TASOR2: variants seen among roughly 807,000 people sequenced by gnomAD.
TASOR2 encodes transcription activation suppressor family member 2, also known as protein TASOR 2.
TASOR2 carries 84 observed loss-of-function variants against 199.5 expected under a neutral mutation model. That is an observed-to-expected ratio of 0.42 (90% CI 0.35 to 0.50). The LOEUF (loss-of-function observed/expected upper bound fraction) is 0.50, where lower values mean the gene tolerates loss of function less well. TASOR2 is among the 20% of genes least tolerant of loss of function. The probability of loss-of-function intolerance (pLI) is 0.02; values close to 1 mark genes in which losing one functional copy is unlikely to be tolerated. For synonymous variants in TASOR2, 1,103 were observed against 1,046.6 expected (o/e 1.05, Z -1.04); for missense variants, 2,796 against 2,835.9 (o/e 0.99, Z 0.32).
At chr10:5,746,339 C>T (rs1224226808) in exon 15 of TASOR2, 1 of 1,614,012 alleles carries the variant, frequency 6.2e-7, no homozygotes, top group Admixed American at 1.7e-5. Flanking sequence ...GGCACTGTTA[C>T]TCAAGCCACA....
intron 1 of TASOR2, among the ~76,000 whole-genome samples, chr10:5,711,028 T>C (rs1452233127): frequency 2.0e-5 from 3 of 152,088 alleles, no homozygotes; most frequent in Non-Finnish European, 4.4e-5. Flanking sequence ...TCCCTATTTT[T>C]TAAAGCACTG....
rs61729850 is a variant in TASOR2, at chr10:5,720,913, G to T, written c.89G>T (p.Arg30Leu). 2.5e-4 allele frequency: 405 copies of T among 1,613,132 alleles called. No individual in the cohort carries two copies. In the African/African-American group the frequency reaches 4.0e-3, roughly 16 times the overall value. ...AAAGGGAAATTAATTGTTCAAGACC[G>T]TATGCTATGTGATATAGCTCTTTGG... The change falls in exon 6 of 21, where the codon CGT becomes CTT. Residue 30 changes from arginine (R) to leucine (L), a missense_variant. Coordinates refer to ENST00000328090, the Ensembl canonical transcript of TASOR2. The surrounding 1 kb of genome is among the most constrained non-coding windows in gnomAD (Gnocchi z 5.3).
rs1048628483 is a variant in TASOR2 at position 5,712,576 on chromosome 10, T to C, written c.-287-247T>C. On this transcript the variant is annotated intron_variant, in intron 1 of 20. Transcript: ENST00000328090. ...GGTACACACTATGATGGTTTTGTTT[T>C]AGTTTTAAAAGAGGTAAACCCATCA... 6 of 1,230,568 alleles carry C rather than the reference T, an allele frequency of 4.9e-6. No homozygotes were observed. The African/African-American group carries it at 7.8e-5, about 16-fold the overall frequency. 76.2% of individuals were successfully genotyped at this position (1,230,568 alleles called of 1,614,324 possible).
chr10:5,723,552 C>T (rs1247049068), intron 6 of TASOR2, 125 bp from the exon 8 acceptor site: 1 of 501,982 alleles, frequency 2.0e-6, no homozygotes, highest in African/African-American at 2.0e-5. Flanking sequence ...TAACCTGGAG[C>T]TTATCAACTT....
At position 5,720,324 on chromosome 10, in the gene TASOR2, A is replaced by G. The variant is rs1228969161; in HGVS notation, c.-99-220A>G. 45 of 985,264 alleles carry G rather than the reference A, an allele frequency of 4.6e-5. No homozygotes were observed. Among genetic ancestry groups the G allele is most frequent in the Non-Finnish European group, 5.3e-5 (44 of 829,890 alleles). 61.0% of individuals were successfully genotyped at this position (985,264 alleles called of 1,614,324 possible). A position where few individuals can be genotyped will look rare whatever the true frequency, so the allele number is the denominator to read the frequency against. On this transcript the variant is annotated intron_variant, in intron 3 of 20. Coordinates refer to ENST00000328090, the Ensembl canonical transcript of TASOR2. The surrounding 1 kb of genome is among the most constrained non-coding windows in gnomAD (Gnocchi z 5.3). ...TATACTAAGCCATCTTCTGGCTATG[A>G]TTGCCACGTGTCTGAAAATACTAAC...
intron 2 of TASOR2, among the ~76,000 whole-genome samples, chr10:5,715,231 TTTA>T (rs1564283064): frequency 3.7e-5 from 3 of 81,934 alleles, no homozygotes; most frequent in Non-Finnish European, 7.1e-5. Flanking sequence ...CTTTTTTTTT[TTTA>T]AAAAAAAACT....
rs192011124 is a variant in TASOR2 at position 5,725,175 on chromosome 10, G to C, written c.351+642G>C. The stretch of plus-strand genomic sequence containing the variant: ...AGCACTTTGGGAGACCAAGGCGGGC[G>C]GATCACGAGGTCAGGAGATCGAGAC... On this transcript the variant is annotated intron_variant, in intron 8 of 20. Transcript: ENST00000328090. Among the ~76,000 whole-genome samples, 1,037 of 152,040 alleles carry C rather than the reference G, an allele frequency of 6.8e-3. 18 individuals carry two copies. Among genetic ancestry groups the C allele is most frequent in the African/African-American group, 0.024 (990 of 41,468 alleles).
intron 1 of TASOR2, among the ~76,000 whole-genome samples, chr10:5,693,930 A>G (rs1836807719): frequency 6.6e-6 from 1 of 152,170 alleles, no homozygotes; most frequent in Admixed American, 6.5e-5. Flanking sequence ...TGGGGAAAAT[A>G]GACCTCTCCC....
chr10:5,684,885 C>T lies in TASOR2; in HGVS notation c.-578C>T, dbSNP rs1588537534. 3 of 392,264 alleles carry T rather than the reference C, an allele frequency of 7.6e-6. No individual in the cohort carries two copies. In the East Asian group the frequency reaches 1.1e-4, roughly 14 times the overall value. The allele number at this position is 392,264 out of a possible 1,614,324, so 24.3% of individuals were successfully genotyped here. Reference sequence around the variant, plus strand: ...CAGAGAGAAAGTCGGCATGTTCTCGCAGGCTGCCGGGCGTCCCGGGGTTGC... The same window carrying T: ...CAGAGAGAAAGTCGGCATGTTCTCGTAGGCTGCCGGGCGTCCCGGGGTTGC... On this transcript the variant is annotated 5_prime_UTR_variant, in exon 1 of 21. The change creates a premature stop within an existing upstream ORF in the 5' untranslated region. Transcript: ENST00000328090.
At chr10:5,747,546 T>C (rs377602397) in exon 15 of TASOR2, 8 of 1,614,074 alleles carry the variant, frequency 5.0e-6, no homozygotes, top group South Asian at 1.1e-5. Context: ...CTAAAGAAAA[T>C]TGCACCCTTG....
chr10:5,747,906 T>G, exon 15 of TASOR2: 1 of 1,613,770 alleles, frequency 6.2e-7, no homozygotes, highest in Non-Finnish European at 8.5e-7. Flanking sequence ...GACCAACCCT[T>G]CCTGGTAAAG....
intron 19 of TASOR2, among the ~76,000 whole-genome samples, chr10:5,762,295 G>A (rs534025041): frequency 6.8e-6 from 1 of 147,962 alleles, no homozygotes; most frequent in Non-Finnish European, 1.5e-5. Context: ...TTTACGTAAA[G>A]AACCATAGTT....
rs1461134225 is a variant in TASOR2, at chr10:5,705,598, T to C, written c.-287-7225T>C. ...AATTTTTCAGTTGGCTTTATATTTCTACTAGGAGTGTTCCAGAGGCTCCTC... is the reference window on the plus strand; with the variant it reads ...AATTTTTCAGTTGGCTTTATATTTCCACTAGGAGTGTTCCAGAGGCTCCTC... On this transcript the variant is annotated intron_variant, in intron 1 of 20. Coordinates refer to ENST00000328090, the Ensembl canonical transcript of TASOR2. 1.1e-4 allele frequency among the ~76,000 whole-genome samples: 16 copies of C among 152,362 alleles called. 1 individual carries two copies. The South Asian group carries it at 2.5e-3, about 24-fold the overall frequency.
At chr10:5,746,281 G>A in exon 15 of TASOR2, 1 of 1,614,036 alleles carries the variant, frequency 6.2e-7, no homozygotes. Context: ...TCCTAGTGAA[G>A]AAGAAATTGT....
chr10:5,756,113 C>G (rs1838900476), intron 15 of TASOR2, among the ~76,000 whole-genome samples: 1 of 152,188 alleles, frequency 6.6e-6, no homozygotes, highest in Admixed American at 6.5e-5. Flanking sequence ...GTTGATTGTA[C>G]TGGGCTGCAC....
intron 11 of TASOR2, among the ~76,000 whole-genome samples, chr10:5,731,681 T>C (rs1260317488): frequency 6.6e-6 from 1 of 152,176 alleles, no homozygotes; most frequent in Non-Finnish European, 1.5e-5. Context: ...CTGATTGAGA[T>C]AGCAACTGAA....
intron 1 of TASOR2, among the ~76,000 whole-genome samples, chr10:5,694,465 T>G (rs1311393054): frequency 6.6e-6 from 1 of 152,162 alleles, no homozygotes; most frequent in Non-Finnish European, 1.5e-5. Context: ...ACTAATCTAG[T>G]GGTTGGAGGA....
intron 2 of TASOR2, among the ~76,000 whole-genome samples, chr10:5,715,791 C>T (rs1832552122): frequency 6.6e-6 from 1 of 152,128 alleles, no homozygotes; most frequent in African/African-American, 2.4e-5. Context: ...TACAGGCACA[C>T]ATCACCATGC....
chr10:5,743,950 A>C (rs1340201897), intron 14 of TASOR2: 1 of 148,750 alleles, frequency 6.7e-6, no homozygotes, highest in Non-Finnish European at 1.5e-5. Context: ...CTGGAATGTG[A>C]AGAAGAGGAT....
Sources: gnomAD v4.1 joint callset for allele counts (sites outside exome capture counted in the v4.1 genomes callset) on GRCh38, gnomAD v4.1.1 for gene constraint, Gnocchi (gnomAD v3.1) non-coding constraint, MANE v1.5 for transcripts, NCBI Gene and HGNC (gene_info 2026-07-23, HGNC 2026-07-21) for gene names.